Variants in SGCZ observed in about 807,000 individuals in gnomAD.
SGCZ encodes the protein sarcoglycan zeta, also known as zeta-sarcoglycan.
A neutral mutation model predicts 41.3 loss-of-function variants in SGCZ; 40 were observed. The observed-to-expected ratio is 0.97, with a 90% confidence interval of 0.75 to 1.26. The LOEUF (loss-of-function observed/expected upper bound fraction) is 1.26, where lower values mean the gene tolerates loss of function less well. Ranked by LOEUF, SGCZ falls within the 50% of genes most tolerant of loss-of-function variation. The probability of loss-of-function intolerance (pLI) is 0.00; values close to 1 mark genes in which losing one functional copy is unlikely to be tolerated. For missense variants in SGCZ, 552 were observed against 369.8 expected (o/e 1.49, Z -4.04); for synonymous variants, 206 against 137.5 (o/e 1.50, Z -3.49).
At chr8:15,032,039 A>T (rs971010196) in intron 1 of SGCZ, among the ~76,000 whole-genome samples, 1 of 151,978 alleles carries the variant, frequency 6.6e-6, no homozygotes, top group African/African-American at 2.4e-5. Context: ...CACATACTCA[A>T]ATCCCCTTGT....
At chr8:14,808,780 C>G (rs1164598331) in intron 1 of SGCZ, among the ~76,000 whole-genome samples, 2 of 151,734 alleles carry the variant, frequency 1.3e-5, no homozygotes, top group Admixed American at 6.6e-5. Context: ...CACATGCACA[C>G]GTATGTTTAT....
At chr8:14,466,831 T>C (rs1271843842) in intron 2 of SGCZ, among the ~76,000 whole-genome samples, 1 of 151,872 alleles carries the variant, frequency 6.6e-6, no homozygotes, top group Non-Finnish European at 1.5e-5. Flanking sequence ...TTTATTAATA[T>C]TTTCATTTTG....
At chr8:14,484,769 T>C (rs1209132844) in intron 2 of SGCZ, among the ~76,000 whole-genome samples, 1 of 152,232 alleles carries the variant, frequency 6.6e-6, no homozygotes, top group African/African-American at 2.4e-5. Flanking sequence ...ATTAATATGA[T>C]TCACATAATA....
rs192270963 is a variant in SGCZ, at chr8:14,594,910, T to G, written c.40-39984A>C. ...TTACAGAGACACTGTTATATTGCTG[T>G]AAGTCACTTTTGATAACTCAATAGA... On this transcript the variant is annotated intron_variant, in intron 1 of 7. Coordinates refer to ENST00000382080, the MANE Select transcript of SGCZ (RefSeq NM_139167.4). Among the ~76,000 whole-genome samples the G allele has an allele frequency of 1.1e-3, 166 of 152,092 alleles. 4 individuals carry two copies. The highest frequency in any genetic ancestry group is 3.8e-3 in the African/African-American group (158 of 41,370).
intron 1 of SGCZ, among the ~76,000 whole-genome samples, chr8:14,575,814 G>C (rs1174312915): frequency 4.0e-5 from 6 of 150,428 alleles, no homozygotes; most frequent in Non-Finnish European, 7.4e-5. Flanking sequence ...GCTGAGGCAG[G>C]AGAATCGCTT....
At chr8:14,311,769 G>T (rs1801553506) in intron 3 of SGCZ, among the ~76,000 whole-genome samples, 1 of 150,866 alleles carries the variant, frequency 6.6e-6, no homozygotes, top group African/African-American at 2.4e-5. Context: ...CATTCACCCA[G>T]TAAAGTGAAT....
At chr8:15,207,878 A>G (rs1012911657) in intron 1 of SGCZ, among the ~76,000 whole-genome samples, 5 of 152,170 alleles carry the variant, frequency 3.3e-5, no homozygotes, top group Non-Finnish European at 7.3e-5. Flanking sequence ...ATAACAGAAA[A>G]TGTATGTTGG....
chr8:15,121,209 G>C (rs1807465295), intron 1 of SGCZ, among the ~76,000 whole-genome samples: 1 of 151,914 alleles, frequency 6.6e-6, no homozygotes, highest in Non-Finnish European at 1.5e-5. Flanking sequence ...GTTATATTTT[G>C]TAGTTTTAAA....
intron 1 of SGCZ, among the ~76,000 whole-genome samples, chr8:14,849,965 G>A (rs1381100535): frequency 1.3e-5 from 2 of 151,920 alleles, no homozygotes; most frequent in Non-Finnish European, 2.9e-5. Flanking sequence ...CATAAATTTT[G>A]GTTTCTTTTT....
chr8:14,985,142 A>C (rs576348499), intron 1 of SGCZ, among the ~76,000 whole-genome samples: 2 of 152,300 alleles, frequency 1.3e-5, no homozygotes, highest in South Asian at 4.1e-4. Context: ...GTTTGAAATG[A>C]ATACATTTGG....
intron 3 of SGCZ, among the ~76,000 whole-genome samples, chr8:14,314,423 A>G (rs1014181151): frequency 6.6e-6 from 1 of 152,174 alleles, no homozygotes; most frequent in Admixed American, 6.6e-5. Flanking sequence ...AGATATTTGT[A>G]GAGTGTGAAT....
rs571062506 is a variant in SGCZ at position 14,279,611 on chromosome 8, C to T, written c.337-41932G>A. ...GTGAAGATGCACCAAGAATCCATGA[C>T]TGTAACATATGTTAACATACCACAG... On this transcript the variant is annotated intron_variant, in intron 3 of 7. Coordinates refer to ENST00000382080, the MANE Select transcript of SGCZ (RefSeq NM_139167.4). Among the ~76,000 whole-genome samples, 4 of 152,040 alleles carry T rather than the reference C, an allele frequency of 2.6e-5. No individual in the cohort carries two copies. In the South Asian group the frequency reaches 8.3e-4, roughly 31 times the overall value.
intron 1 of SGCZ, among the ~76,000 whole-genome samples, chr8:14,597,035 C>G (rs986305872): frequency 6.6e-6 from 1 of 152,112 alleles, no homozygotes; most frequent in Admixed American, 6.5e-5. Flanking sequence ...TTCCTCAAAA[C>G]GCCTGAGGTA....
intron 1 of SGCZ, among the ~76,000 whole-genome samples, chr8:15,061,221 G>A (rs541288352): frequency 3.6e-4 from 55 of 152,206 alleles, no homozygotes; most frequent in Admixed American, 6.5e-4. Flanking sequence ...TCATGAAGGC[G>A]GAACTCTCAT....
intron 1 of SGCZ, among the ~76,000 whole-genome samples, chr8:14,674,473 G>C (rs1243454733): frequency 6.6e-6 from 1 of 152,132 alleles, no homozygotes; most frequent in African/African-American, 2.4e-5. Flanking sequence ...TTTAGTTCCT[G>C]ATAGTATAGC....
At chr8:14,377,448 T>G (rs34421020) in intron 2 of SGCZ, among the ~76,000 whole-genome samples, 29,641 of 149,182 alleles carry the variant, frequency 0.2, 3,637 homozygotes, top group Non-Finnish European at 0.29. Flanking sequence ...GTGAGTTATT[T>G]TATAAAATCC....
chr8:14,443,191 C>T (rs1024011072), intron 2 of SGCZ, among the ~76,000 whole-genome samples: 1 of 152,168 alleles, frequency 6.6e-6, no homozygotes, highest in African/African-American at 2.4e-5. Context: ...ATATTCCATG[C>T]TCATGGGTAG....
At chr8:14,353,351 T>C (rs1585397606) in intron 2 of SGCZ, among the ~76,000 whole-genome samples, 1 of 152,244 alleles carries the variant, frequency 6.6e-6, no homozygotes, top group African/African-American at 2.4e-5. Context: ...CTCTTCTCTA[T>C]GAATTTCACA....
At chr8:14,961,097 A>G (rs981625580) in intron 1 of SGCZ, among the ~76,000 whole-genome samples, 2 of 152,104 alleles carry the variant, frequency 1.3e-5, no homozygotes, top group African/African-American at 4.8e-5. Flanking sequence ...GCTGTGAATC[A>G]ATGCATCAGT....
Sources: allele counts gnomAD v4.1 joint callset (sites outside exome capture counted in the v4.1 genomes callset), GRCh38; gene constraint gnomAD v4.1.1; transcripts MANE v1.5; gene names NCBI Gene and HGNC (gene_info 2026-07-23, HGNC 2026-07-21).